Variants in NDUFS2 observed in about 807,000 individuals in gnomAD.
NDUFS2 encodes NADH:ubiquinone oxidoreductase core subunit S2, also known as NADH dehydrogenase [ubiquinone] iron-sulfur protein 2, mitochondrial.
NDUFS2 carries 38 observed loss-of-function variants against 69.6 expected under a neutral mutation model. The ratio of observed to expected loss-of-function variants is 0.55; its 90% confidence interval spans 0.42 to 0.72. The LOEUF (loss-of-function observed/expected upper bound fraction) is 0.72, where lower values mean the gene tolerates loss of function less well. Among genes scored for constraint, NDUFS2 ranks in the 30% least tolerant of loss-of-function variants. The pLI, the probability that NDUFS2 is intolerant of heterozygous loss-of-function variation, is 0.00. For synonymous variants in NDUFS2, 194 were observed against 211.2 expected (o/e 0.92, Z 0.70); for missense variants, 468 against 595.0 (o/e 0.79, Z 2.22).
At chr1:161,198,778 A>C, upstream of NDUFS2, 1 of 691,478 alleles carries the variant, frequency 1.4e-6, no homozygotes, top group Non-Finnish European at 2.3e-6. This position sits in a 1 kb window ranked among gnomAD's most constrained non-coding sequence, Gnocchi z 4.7. Flanking sequence ...AGGACCGTTA[A>C]AGGAAATGGA....
At chr1:161,213,020 T>G (rs1665858258) in intron 10 of NDUFS2, 1 of 334,118 alleles carries the variant, frequency 3.0e-6, no homozygotes, top group South Asian at 2.5e-5. Context: ...TTCTCCTGCC[T>G]TAGTCTCCCG....
chr1:161,210,843 C>G, intron 9 of NDUFS2, 133 bp downstream of exon 9: 1 of 1,336,672 alleles, frequency 7.5e-7, no homozygotes, highest in Non-Finnish European at 1.1e-6. Flanking sequence ...CGAGGTTGCT[C>G]TCAAAACACT....
chr1:161,211,514 G>T (rs1665767138), intron 9 of NDUFS2, among the ~76,000 whole-genome samples: 1 of 152,158 alleles, frequency 6.6e-6, no homozygotes, highest in Non-Finnish European at 1.5e-5. Context: ...GCTGGGTGTG[G>T]TGGTACATGC....
chr1:161,204,126 A>G (rs1295981207), intron 2 of NDUFS2, among the ~76,000 whole-genome samples: 1 of 152,230 alleles, frequency 6.6e-6, no homozygotes, highest in Non-Finnish European at 1.5e-5. Context: ...AGCTTTTCCC[A>G]TGTTCAATAT....
intron 2 of NDUFS2, among the ~76,000 whole-genome samples, chr1:161,205,716 C>T (rs1185241325): frequency 6.7e-6 from 1 of 150,002 alleles, no homozygotes; most frequent in Non-Finnish European, 1.5e-5. Context: ...TGCAGTGAGC[C>T]GAGATGGTGC....
rs770596146 is a variant in NDUFS2, at chr1:161,209,297, G to A, written c.498G>A (p.Arg166=). 5 of 1,613,964 alleles carry A rather than the reference G, an allele frequency of 3.1e-6. No homozygotes were observed. The highest frequency in any genetic ancestry group is 4.2e-6 in the Non-Finnish European group (5 of 1,180,022). ...EKLLNIRPPP[R]AQWIRVLFGE... ...TGCTAAACATCCGGCCTCCTCCTCG[G>A]GCACAGTGGATCCGAGGTATGTCCC... Residue 166 remains arginine (R), a synonymous_variant, in exon 4 of 14, where the codon CGG becomes CGA. Coordinates refer to ENST00000676972, the MANE Select transcript of NDUFS2 (RefSeq NM_001377299.1).
chr1:161,198,403 C>G, upstream of NDUFS2: 3 of 1,607,404 alleles, frequency 1.9e-6, no homozygotes, highest in Non-Finnish European at 2.5e-6. This position sits in a 1 kb window ranked among gnomAD's most constrained non-coding sequence, Gnocchi z 4.7. Flanking sequence ...CAGGGGCGCC[C>G]GAGCCAGGCA....
At chr1:161,207,852 G>T (rs571926695) in intron 3 of NDUFS2, among the ~76,000 whole-genome samples, 1 of 149,774 alleles carries the variant, frequency 6.7e-6, no homozygotes, top group Non-Finnish European at 1.5e-5. Flanking sequence ...TCGCTCTGTC[G>T]CCCAGGCTGG....
rs182314054 is a variant in NDUFS2 at position 161,207,363 on chromosome 1, C to T, written c.393+766C>T. ...GTCCCAGCTAGTAGCGTCTTAGCTC[C>T]ACCCTCTTCCTGGAAGCTGAAGCTG... On this transcript the variant is annotated intron_variant, in intron 3 of 13. Transcript: ENST00000676972. 3.7e-4 allele frequency among the ~76,000 whole-genome samples: 57 copies of T among 152,318 alleles called. 1 individual carries two copies. Among genetic ancestry groups the T allele is most frequent in the African/African-American group, 1.3e-3 (54 of 41,552 alleles).
chr1:161,210,537 C>T (rs1571617363), intron 8 of NDUFS2, 54 bp from the exon 9 acceptor site: 1 of 1,613,076 alleles, frequency 6.2e-7, no homozygotes, highest in Non-Finnish European at 8.5e-7. Context: ...GAAGAAGGAG[C>T]CTCCTTACTT....
At chr1:161,198,669 G>A (rs1181473557), upstream of NDUFS2, 3 of 1,446,932 alleles carry the variant, frequency 2.1e-6, no homozygotes, top group East Asian at 7.4e-5. This position sits in a 1 kb window ranked among gnomAD's most constrained non-coding sequence, Gnocchi z 4.7. Context: ...GCCGTCTAGG[G>A]CACCAAGTCC....
At position 161,209,282 on chromosome 1, in the gene NDUFS2, C is replaced by T; in HGVS notation, c.483C>T (p.Ile161=). The change falls in exon 4 of 14, where the codon ATC becomes ATT. Residue 161 remains isoleucine, a synonymous_variant. Coordinates refer to ENST00000676972, the MANE Select transcript of NDUFS2 (RefSeq NM_001377299.1). ...YSLAVEKLLN[I]RPPPRAQWIR... is the part of the protein sequence containing the mutation. ...TAGCTGTGGAGAAGTTGCTAAACATCCGGCCTCCTCCTCGGGCACAGTGGA... is the reference window on the plus strand; with the variant it reads ...TAGCTGTGGAGAAGTTGCTAAACATTCGGCCTCCTCCTCGGGCACAGTGGA... The T allele has an allele frequency of 1.9e-6, 3 of 1,614,138 alleles. No homozygotes were observed. Among genetic ancestry groups the T allele is most frequent in the South Asian group, 2.2e-5 (2 of 91,084 alleles).
chr1:161,198,099 C>T (rs1432669866), upstream of NDUFS2: 1 of 1,613,438 alleles, frequency 6.2e-7, no homozygotes, highest in Non-Finnish European at 8.5e-7. This position sits in a 1 kb window ranked among gnomAD's most constrained non-coding sequence, Gnocchi z 4.7. Flanking sequence ...ATGTGAGCCC[C>T]AGGTCCCCCA....
chr1:161,213,531 A>T lies in NDUFS2; in HGVS notation c.1212+56A>T. 4 of 1,545,292 alleles carry T rather than the reference A, an allele frequency of 2.6e-6. No homozygotes were observed. In the South Asian group the frequency reaches 3.4e-5, roughly 13 times the overall value. On this transcript the variant is annotated intron_variant, in intron 11 of 13. Transcript: ENST00000676972. ...ATGTAGAGTAGGTAGCTAAAGATAG[A>T]TGTTTAACAAATAGCTCATTCATCA...
rs1442624080 is a variant in NDUFS2, at chr1:161,209,909, T to C, written c.680T>C (p.Ile227Thr). Residue 227 changes from isoleucine (I) to threonine (T), a missense_variant, in exon 6 of 14, where the codon ATC (isoleucine) becomes ACC (threonine). Transcript: ENST00000676972. ...GGAGCCCGAATGCATGCTGCTTATA[T>C]CCGGCCAGGAGGAGTGCACCAGGTG... ...VSGARMHAAYIRPGGVHQDLP... is the reference protein window; with the variant it reads ...VSGARMHAAYTRPGGVHQDLP... 1.2e-6 allele frequency: 2 copies of C among 1,614,040 alleles called. No individual in the cohort carries two copies. Among genetic ancestry groups the C allele is most frequent in the Admixed American group, 3.3e-5 (2 of 60,000 alleles).
chr1:161,210,756 C>T (rs779954276), intron 9 of NDUFS2, 46 bp downstream of exon 9: 6 of 1,613,058 alleles, frequency 3.7e-6, no homozygotes, highest in South Asian at 2.2e-5. Flanking sequence ...CTAGTTTCCC[C>T]TGCCTCACTC....
upstream of NDUFS2, chr1:161,201,923 T>A (rs961394021): frequency 1.0e-5 from 2 of 196,248 alleles, no homozygotes; most frequent in East Asian, 1.2e-4. Flanking sequence ...CTCCTGTCTT[T>A]TGGATTCAGT....
chr1:161,213,480 G>A lies in NDUFS2; in HGVS notation c.1212+5G>A. ...ACTGCCATTGAGGCTCCCAAGGTAA[G>A]GAGAGGAGGGGAAGGAAAAGACCAT... On this transcript the variant is annotated splice_donor_5th_base_variant and intron_variant, in intron 11 of 13. Coordinates refer to ENST00000676972, the MANE Select transcript of NDUFS2 (RefSeq NM_001377299.1). The A allele has an allele frequency of 6.2e-7, 1 of 1,606,122 alleles. No individual in the cohort carries two copies. Among genetic ancestry groups the A allele is most frequent in the African/African-American group, 1.3e-5 (1 of 74,938 alleles).
At position 161,202,435 on chromosome 1, in the gene NDUFS2, T is replaced by A. The variant is rs758432339; in HGVS notation, c.50T>A (p.Val17Glu). The A allele has an allele frequency of 6.2e-7, 1 of 1,612,768 alleles. No individual in the cohort carries two copies. The highest frequency in any genetic ancestry group is 1.7e-5 in the Admixed American group (1 of 59,896). The change falls in exon 1 of 14, where the codon GTG (valine) becomes GAG (glutamate). Residue 17 changes from valine (V) to glutamate (E), a missense_variant. Physicochemically the swap from Val to Glu is moderately radical, Grantham distance 121. Coordinates refer to ENST00000676972, the MANE Select transcript of NDUFS2 (RefSeq NM_001377299.1). ...LCGFRGVAAQVLRPGAGVRLP... is the reference protein window; with the variant it reads ...LCGFRGVAAQELRPGAGVRLP... ...GGCTTCCGGGGCGTCGCGGCCCAGG[T>A]GCTGCGGCCTGGGGCTGGAGTCCGA...
Sources: allele counts gnomAD v4.1 joint callset (sites outside exome capture counted in the v4.1 genomes callset), GRCh38; gene constraint gnomAD v4.1.1; non-coding constraint Gnocchi (gnomAD v3.1); transcripts MANE v1.5; gene names NCBI Gene and HGNC (gene_info 2026-07-23, HGNC 2026-07-21).